Variants in ZNF385D observed in about 807,000 individuals in gnomAD.
ZNF385D encodes zinc finger protein 385D, also known as zinc finger protein 659.
In ZNF385D, 15 loss-of-function variants were observed where a neutral mutation model predicts 35.8. The observed-to-expected ratio is 0.42, with a 90% CI of 0.28 to 0.64. The LOEUF (loss-of-function observed/expected upper bound fraction) is 0.64. ZNF385D is among the 30% of genes least tolerant of loss of function. The pLI, the probability that ZNF385D is intolerant of heterozygous loss-of-function variation, is 0.23. For synonymous variants in ZNF385D, 212 were observed against 186.8 expected, an observed-to-expected ratio of 1.13 and a Z score of -1.10; for missense variants, 474 against 494.6, an observed-to-expected ratio of 0.96 and a Z score of 0.39.
chr3:21,932,852 G>T (rs907114474), intron 3 of ZNF385D, among the ~76,000 whole-genome samples: 5 of 152,072 alleles, frequency 3.3e-5, no homozygotes, highest in Non-Finnish European at 5.9e-5. Flanking sequence ...TATTTTCATG[G>T]TTAGAATTGA....
chr3:21,544,973 A>C (rs2062321158), intron 3 of ZNF385D, among the ~76,000 whole-genome samples: 1 of 152,204 alleles, frequency 6.6e-6, no homozygotes, highest in South Asian at 2.1e-4. Context: ...GGATTGCCAA[A>C]ATGATGTTCA....
chr3:21,751,242 C>T, upstream of ZNF385D: 2 of 1,156,328 alleles, frequency 1.7e-6, no homozygotes, highest in East Asian at 5.4e-5. Context: ...CTCCACCCCA[C>T]CCCACCCCAC....
chr3:21,739,308 T>TA lies in ZNF385D; in HGVS notation c.22+11586dup, dbSNP rs1308072903. Among the ~76,000 whole-genome samples, 3 of 152,326 alleles carry TA rather than the reference T, an allele frequency of 2.0e-5. No individual in the cohort carries two copies. In the East Asian group the frequency reaches 5.8e-4, roughly 29 times the overall value. On this transcript the variant is annotated intron_variant, in intron 1 of 7. Transcript: ENST00000281523. ...GCTCTGTGCTAGGAAGTGCATGAGT[T>TA]AAACATTTTTCTCTCTTTCTCTCCA...
At chr3:21,989,005 C>A (rs1274298287) in intron 3 of ZNF385D, among the ~76,000 whole-genome samples, 1 of 152,130 alleles carries the variant, frequency 6.6e-6, no homozygotes, top group Non-Finnish European at 1.5e-5. Context: ...CCTCGCCCTG[C>A]TTCGGCTCGC....
intron 2 of ZNF385D, among the ~76,000 whole-genome samples, chr3:22,198,638 A>G (rs1206165169): frequency 6.6e-6 from 1 of 152,074 alleles, no homozygotes; most frequent in Non-Finnish European, 1.5e-5. Flanking sequence ...TTTTTCTTAC[A>G]TTTTATGCTG....
At chr3:22,152,863 C>T (rs370880697) in intron 3 of ZNF385D, among the ~76,000 whole-genome samples, 1 of 152,052 alleles carries the variant, frequency 6.6e-6, no homozygotes, top group Non-Finnish European at 1.5e-5. Flanking sequence ...TTATAAGGGT[C>T]CCTGTACTAT....
chr3:21,519,806 CA>C (rs1350933427), intron 3 of ZNF385D, among the ~76,000 whole-genome samples: 3 of 152,198 alleles, frequency 2.0e-5, no homozygotes, highest in Non-Finnish European at 4.4e-5. Context: ...AAAATCCCTT[CA>C]GAATGCCCAT....
chr3:22,266,721 C>T (rs1700915851), intron 2 of ZNF385D, among the ~76,000 whole-genome samples: 1 of 151,858 alleles, frequency 6.6e-6, no homozygotes, highest in Admixed American at 6.6e-5. Flanking sequence ...TATTTCATGT[C>T]CCAAAGCAGT....
intron 3 of ZNF385D, among the ~76,000 whole-genome samples, chr3:22,124,552 G>A (rs1020752302): frequency 1.3e-5 from 2 of 151,964 alleles, no homozygotes; most frequent in African/African-American, 4.8e-5. Flanking sequence ...CAGTGTATGA[G>A]GATTCCTGTC....
intron 2 of ZNF385D, among the ~76,000 whole-genome samples, chr3:22,208,222 T>C (rs972367701): frequency 7.2e-5 from 11 of 151,944 alleles, no homozygotes; most frequent in African/African-American, 2.4e-4. Flanking sequence ...AGAAAGAAAA[T>C]GTGCTACATA....
intron 3 of ZNF385D, among the ~76,000 whole-genome samples, chr3:22,085,394 A>G (rs1180414726): frequency 1.3e-5 from 2 of 152,224 alleles, no homozygotes; most frequent in Non-Finnish European, 2.9e-5. Flanking sequence ...TAAAGGCGAT[A>G]TCACCACCGA....
At chr3:21,828,165 A>T (rs1308971677) in intron 3 of ZNF385D, among the ~76,000 whole-genome samples, 1 of 152,188 alleles carries the variant, frequency 6.6e-6, no homozygotes, top group African/African-American at 2.4e-5. Context: ...AGGGTTGGTT[A>T]TAATTTCTAA....
At chr3:22,248,016 A>T (rs1238973714) in intron 2 of ZNF385D, among the ~76,000 whole-genome samples, 1 of 152,196 alleles carries the variant, frequency 6.6e-6, no homozygotes, top group African/African-American at 2.4e-5. Context: ...CAAAATACAT[A>T]TAATAGAGAT....
At chr3:21,694,776 A>G (rs1046733874) in intron 1 of ZNF385D, among the ~76,000 whole-genome samples, 1 of 152,194 alleles carries the variant, frequency 6.6e-6, no homozygotes. Context: ...TCATGACTCC[A>G]ATTGAGATCC....
intron 4 of ZNF385D, among the ~76,000 whole-genome samples, chr3:21,442,883 A>G (rs141730128): frequency 4.3e-5 from 2 of 46,536 alleles, no homozygotes; most frequent in Admixed American, 2.7e-4. Flanking sequence ...ATATCTGTGT[A>G]TAAGTGTGTG....
chr3:22,188,617 T>A (rs890660093), intron 2 of ZNF385D, among the ~76,000 whole-genome samples: 5 of 151,966 alleles, frequency 3.3e-5, no homozygotes, highest in African/African-American at 1.2e-4. Flanking sequence ...ACCCTGCTAA[T>A]TTTTTGTATT....
intron 5 of ZNF385D, chr3:21,431,141 G>A (rs181004979): frequency 6.6e-6 from 1 of 152,156 alleles, no homozygotes; most frequent in East Asian, 1.9e-4. Flanking sequence ...GCATAGACAG[G>A]AAAAATGACC....
intron 1 of ZNF385D, among the ~76,000 whole-genome samples, chr3:21,682,328 A>C (rs1326982576): frequency 6.8e-6 from 1 of 146,884 alleles, no homozygotes; most frequent in Non-Finnish European, 1.5e-5. Context: ...AGAGACAGAC[A>C]TGATTAAAGG....
At chr3:21,881,679 G>A (rs1410011937) in intron 3 of ZNF385D, among the ~76,000 whole-genome samples, 1 of 151,936 alleles carries the variant, frequency 6.6e-6, no homozygotes, top group Admixed American at 6.6e-5. Flanking sequence ...ATTTCACAAG[G>A]CTATAGTTGC....
Sources: allele counts gnomAD v4.1 joint callset (sites outside exome capture counted in the v4.1 genomes callset), GRCh38; gene constraint gnomAD v4.1.1; transcripts MANE v1.5; gene names NCBI Gene and HGNC (gene_info 2026-07-23, HGNC 2026-07-21).